C17orf67: variants seen among roughly 807,000 people sequenced by gnomAD.
C17orf67 encodes uncharacterized protein C17orf67.
Under a neutral mutation model 11.2 loss-of-function variants are expected in C17orf67, and 12 were observed. The observed-to-expected ratio is 1.07, with a 90% CI of 0.68 to 1.73. C17orf67 has a LOEUF of 1.73. Among genes scored for constraint, C17orf67 ranks in the 40% most tolerant of loss-of-function variants. The probability of loss-of-function intolerance (pLI) is 0.00; values close to 1 mark genes in which losing one functional copy is unlikely to be tolerated. For missense variants in C17orf67, 115 were observed against 113.5 expected, an observed-to-expected ratio of 1.01 and a Z score of -0.06; for synonymous variants, 59 against 46.9, an observed-to-expected ratio of 1.26 and a Z score of -1.05.
intron 2 of C17orf67, among the ~76,000 whole-genome samples, chr17:56,831,525 G>A (rs530988645): frequency 6.6e-6 from 1 of 152,150 alleles, no homozygotes; most frequent in Non-Finnish European, 1.5e-5. Context: ...CATCAGCAAG[G>A]AACGTGGAGG....
intron 6 of C17orf67, among the ~76,000 whole-genome samples, chr17:56,805,534 A>G (rs1410441969): frequency 6.6e-6 from 1 of 152,208 alleles, no homozygotes; most frequent in Non-Finnish European, 1.5e-5. Context: ...AACCTCTACT[A>G]CAATACTCTC....
At chr17:56,800,873 C>G (rs1905303751) in intron 6 of C17orf67, among the ~76,000 whole-genome samples, 1 of 151,940 alleles carries the variant, frequency 6.6e-6, no homozygotes, top group South Asian at 2.1e-4. Context: ...TGGGTTCGCT[C>G]ATATATTGGT....
intron 6 of C17orf67, among the ~76,000 whole-genome samples, chr17:56,801,956 T>C (rs1285189394): frequency 6.6e-6 from 1 of 152,196 alleles, no homozygotes; most frequent in Non-Finnish European, 1.5e-5. Flanking sequence ...TGAGTCTCCT[T>C]CAAACCTGGA....
At chr17:56,815,020 G>C (rs1468546461) in intron 5 of C17orf67, 51 bp from the exon 6 acceptor site, 1 of 1,479,814 alleles carries the variant, frequency 6.8e-7, no homozygotes, top group African/African-American at 1.4e-5. Flanking sequence ...AGGAGTTCAT[G>C]AGCCATCTCA....
At chr17:56,798,228 C>CA (rs1905249052) in intron 6 of C17orf67, among the ~76,000 whole-genome samples, 1 of 152,188 alleles carries the variant, frequency 6.6e-6, no homozygotes. Flanking sequence ...TGGGGCTAGA[C>CA]CCCTGCCACA....
In C17orf67 at chr17:56,828,718, T is replaced by C. The variant is rs1357470973; in HGVS notation, c.-556-3397A>G. ...CCCCCATCACAGGGAACTACTATCC[T>C]AACTTTCGTGGCTTTCATTTCCTTA... is the stretch of plus-strand genomic sequence containing the variant. On this transcript the variant is annotated intron_variant, in intron 2 of 7. Transcript: ENST00000397861. Among the ~76,000 whole-genome samples, 5 of 152,162 alleles carry C rather than the reference T, an allele frequency of 3.3e-5. No individual in the cohort carries two copies. The South Asian group carries it at 1.0e-3, about 32-fold the overall frequency.
chr17:56,812,595 G>A (rs1031723458), intron 6 of C17orf67, among the ~76,000 whole-genome samples: 1 of 152,150 alleles, frequency 6.6e-6, no homozygotes, highest in Non-Finnish European at 1.5e-5. Context: ...ATGGAGGATG[G>A]GATGGTGGCT....
intron 6 of C17orf67, among the ~76,000 whole-genome samples, chr17:56,797,168 CTTT>C (rs1286056933): frequency 6.6e-6 from 1 of 152,186 alleles, no homozygotes; most frequent in Non-Finnish European, 1.5e-5. Flanking sequence ...CCTGAAGAGA[CTTT>C]AATGAAGGGA....
chr17:56,830,472 CA>C (rs1245444300), intron 2 of C17orf67, among the ~76,000 whole-genome samples: 2 of 151,810 alleles, frequency 1.3e-5, no homozygotes, highest in African/African-American at 4.8e-5. Flanking sequence ...TTTCAAAAAA[CA>C]AAATTAATAA....
intron 6 of C17orf67, among the ~76,000 whole-genome samples, chr17:56,801,349 C>T (rs1318747485): frequency 6.6e-6 from 1 of 152,126 alleles, no homozygotes; most frequent in Non-Finnish European, 1.5e-5. Flanking sequence ...TCATGGAAAC[C>T]TTCCTATGGC....
chr17:56,814,544 A>T (rs933611991), intron 6 of C17orf67, among the ~76,000 whole-genome samples: 2 of 152,100 alleles, frequency 1.3e-5, no homozygotes, highest in African/African-American at 4.8e-5. Flanking sequence ...GAGGCAGGAG[A>T]TGGGGTTAGC....
At chr17:56,826,929 A>AGTGCCTGT (rs941863905) in intron 2 of C17orf67, among the ~76,000 whole-genome samples, 1 of 152,246 alleles carries the variant, frequency 6.6e-6, no homozygotes, top group African/African-American at 2.4e-5. Flanking sequence ...ACCTGTAAAC[A>AGTGCCTGT]GTGCCTGTAA....
At chr17:56,817,358 CATAAAG>C (rs1905784946) in intron 4 of C17orf67, among the ~76,000 whole-genome samples, 1 of 151,852 alleles carries the variant, frequency 6.6e-6, no homozygotes, top group Non-Finnish European at 1.5e-5. Context: ...ACACAGTCAA[CATAAAG>C]ATATTTTGAG....
chr17:56,799,470 A>G (rs1023518333), intron 6 of C17orf67, among the ~76,000 whole-genome samples: 2 of 152,200 alleles, frequency 1.3e-5, no homozygotes, highest in Non-Finnish European at 2.9e-5. Flanking sequence ...TAGTTTATTT[A>G]TTCATTCACC....
At chr17:56,800,729 A>G (rs144204559) in intron 6 of C17orf67, among the ~76,000 whole-genome samples, 11 of 152,106 alleles carry the variant, frequency 7.2e-5, no homozygotes, top group African/African-American at 2.7e-4. Flanking sequence ...CTGTGACCCC[A>G]CTTCTCTGGG....
rs769130497 is a variant in C17orf67, at chr17:56,814,887, G to A, written c.138C>T (p.Phe46=). Residue 46 remains phenylalanine (F), a synonymous_variant, in exon 6 of 8, where the codon TTC becomes TTT. Coordinates refer to ENST00000397861, the MANE Select transcript of C17orf67 (RefSeq NM_001085430.4). The part of the protein sequence containing the change: ...RRQDRPSKPG[F]PDEPMREYMH... ...CACTCACCCGCATTGGCTCATCGGG[G>A]AATCCGGGTTTGCTTGGTCTATCCT... 8 of 1,613,980 alleles carry A rather than the reference G, an allele frequency of 5.0e-6. No homozygotes were observed. Among genetic ancestry groups the A allele is most frequent in the South Asian group, 1.1e-5 (1 of 91,080 alleles).
At chr17:56,792,552 T>G in intron 7 of C17orf67, among the ~76,000 whole-genome samples, 200 bp from the exon 8 acceptor site, 4 of 121,758 alleles carry the variant, frequency 3.3e-5, no homozygotes, top group African/African-American at 9.4e-5. Context: ...GATGATGGTG[T>G]GGCAGTGATG....
At chr17:56,826,863 G>T (rs370617767) in intron 2 of C17orf67, among the ~76,000 whole-genome samples, 1 of 152,182 alleles carries the variant, frequency 6.6e-6, no homozygotes, top group South Asian at 2.1e-4. Context: ...CTGTAAAATG[G>T]GGATCATAAA....
At chr17:56,829,113 T>C (rs921334512) in intron 2 of C17orf67, among the ~76,000 whole-genome samples, 2 of 151,918 alleles carry the variant, frequency 1.3e-5, no homozygotes, top group Non-Finnish European at 2.9e-5. Context: ...CCATCTCTAC[T>C]AACAATACAA....
Sources: gnomAD v4.1 joint callset for allele counts (sites outside exome capture counted in the v4.1 genomes callset) on GRCh38, gnomAD v4.1.1 for gene constraint, MANE v1.5 for transcripts, NCBI Gene and HGNC (gene_info 2026-07-23, HGNC 2026-07-21) for gene names.